The following ZDHHC17 variants were observed in gnomAD, a reference collection of about 807,000 sequenced individuals.
ZDHHC17 encodes zDHHC palmitoyltransferase 17.
A neutral mutation model predicts 90.3 loss-of-function variants in ZDHHC17; 40 were observed. That is an observed-to-expected ratio of 0.44 (90% CI 0.34 to 0.58). The LOEUF (loss-of-function observed/expected upper bound fraction) is 0.58, where lower values mean the gene tolerates loss of function less well. Ranked by LOEUF, ZDHHC17 falls within the 20% of genes least tolerant of loss-of-function variation. The probability of loss-of-function intolerance (pLI) is 0.01; values close to 1 mark genes in which losing one functional copy is unlikely to be tolerated. For missense variants in ZDHHC17, 614 were observed against 780.8 expected (o/e 0.79, Z 2.55); for synonymous variants, 235 against 252.4 (o/e 0.93, Z 0.65).
chr12:76,807,760 G>T (rs913929634), intron 3 of ZDHHC17, among the ~76,000 whole-genome samples: 1 of 152,076 alleles, frequency 6.6e-6, no homozygotes, highest in African/African-American at 2.4e-5. Flanking sequence ...TGAATCTCAG[G>T]AACAGTTGAC....
chr12:76,838,981 G>A (rs1953401124), intron 10 of ZDHHC17, among the ~76,000 whole-genome samples: 1 of 152,168 alleles, frequency 6.6e-6, no homozygotes, highest in African/African-American at 2.4e-5. Flanking sequence ...GCAAGTTTGA[G>A]TTCTGCTGAG....
At chr12:76,809,362 G>T (rs768370382) in intron 4 of ZDHHC17, among the ~76,000 whole-genome samples, 11 of 151,478 alleles carry the variant, frequency 7.3e-5, no homozygotes, top group Non-Finnish European at 1.3e-4. Flanking sequence ...TTAAACTTTG[G>T]ATTTCTAAAC....
intron 15 of ZDHHC17, among the ~76,000 whole-genome samples, chr12:76,849,123 A>C (rs1335947845): frequency 1.4e-5 from 2 of 146,866 alleles, no homozygotes; most frequent in East Asian, 2.0e-4. Context: ...ATCTCTAAAA[A>C]AAAAAAAAAA....
chr12:76,848,457 T>C, intron 15 of ZDHHC17, 67 bp downstream of exon 15: 2 of 1,500,708 alleles, frequency 1.3e-6, no homozygotes, highest in Non-Finnish European at 1.8e-6. Context: ...TAAAAGATAA[T>C]AATATATTCT....
chr12:76,834,270 C>T (rs2137794288), intron 10 of ZDHHC17, among the ~76,000 whole-genome samples: 1 of 152,222 alleles, frequency 6.6e-6, no homozygotes, highest in South Asian at 2.1e-4. Flanking sequence ...AATTGACTGA[C>T]ATAGTATAGT....
chr12:76,773,276 A>AT (rs892295900), intron 1 of ZDHHC17, among the ~76,000 whole-genome samples: 5 of 151,796 alleles, frequency 3.3e-5, no homozygotes, highest in African/African-American at 9.7e-5. Context: ...CCAATCCCTG[A>AT]TTTTTTTTAC....
At chr12:76,799,748 C>G (rs1486762344) in intron 2 of ZDHHC17, among the ~76,000 whole-genome samples, 1 of 152,136 alleles carries the variant, frequency 6.6e-6, no homozygotes, top group Non-Finnish European at 1.5e-5. Flanking sequence ...GATTGTGTTT[C>G]TGTTTTCTTT....
At chr12:76,788,265 T>TTCA (rs1339001967) in intron 1 of ZDHHC17, among the ~76,000 whole-genome samples, 1 of 152,212 alleles carries the variant, frequency 6.6e-6, no homozygotes, top group African/African-American at 2.4e-5. Context: ...ATCCTTTTTA[T>TTCA]TCATATTCCA....
intron 10 of ZDHHC17, among the ~76,000 whole-genome samples, chr12:76,838,112 T>C (rs1805399749): frequency 6.6e-6 from 1 of 152,174 alleles, no homozygotes; most frequent in South Asian, 2.1e-4. Flanking sequence ...ATCACGCTTT[T>C]CATCTGGTTC....
chr12:76,841,956 T>G (rs1815938546), intron 10 of ZDHHC17, 26 bp from the exon 11 acceptor site: 2 of 1,435,364 alleles, frequency 1.4e-6, no homozygotes, highest in Non-Finnish European at 1.8e-6. Context: ...TATCATTGCT[T>G]CTTTAGATTC....
intron 14 of ZDHHC17, among the ~76,000 whole-genome samples, chr12:76,847,138 T>C (rs928089428): frequency 1.3e-5 from 2 of 152,236 alleles, no homozygotes; most frequent in African/African-American, 2.4e-5. Context: ...TTAGTAAATA[T>C]CAGAAGTTAC....
intron 12 of ZDHHC17, chr12:76,843,977 C>T (rs1953464584): frequency 6.6e-6 from 1 of 152,084 alleles, no homozygotes; most frequent in Non-Finnish European, 1.5e-5. Context: ...CGACCAGATT[C>T]TTTTATATAT....
intron 5 of ZDHHC17, 37 bp from the exon 6 acceptor site, chr12:76,815,108 AT>A: frequency 6.7e-7 from 1 of 1,486,978 alleles, no homozygotes; most frequent in Non-Finnish European, 9.1e-7. Flanking sequence ...GGAACTTATA[AT>A]TTAACTGTCT....
chr12:76,788,959 A>T (rs1952728186), intron 1 of ZDHHC17, among the ~76,000 whole-genome samples: 1 of 152,032 alleles, frequency 6.6e-6, no homozygotes, highest in African/African-American at 2.4e-5. Flanking sequence ...GGCCTCCCAA[A>T]GTGCTGGGAT....
Position 76,764,151 on chromosome 12 carries a change from C to A in ZDHHC17, c.-86C>A. The A allele has an allele frequency of 1.9e-6, 2 of 1,069,776 alleles. No homozygotes were observed. The highest frequency in any genetic ancestry group is 2.7e-6 in the Non-Finnish European group (2 of 748,530). The allele number at this position is 1,069,776 out of a possible 1,614,324, so 66.3% of individuals were successfully genotyped here. On this transcript the variant is annotated 5_prime_UTR_variant, in exon 1 of 17. Transcript: ENST00000426126. ...AGGAGAAGAAGGAGGAGGAGGCCCG[C>A]GTCGCCTCCGGCGGGGCTCGCGCTC...
intron 7 of ZDHHC17, 128 bp from the exon 8 acceptor site, chr12:76,822,278 G>C: frequency 8.4e-7 from 1 of 1,192,598 alleles, no homozygotes; most frequent in South Asian, 1.6e-5. Context: ...GGTGTTTTTA[G>C]TAATTTACAC....
intron 1 of ZDHHC17, among the ~76,000 whole-genome samples, chr12:76,767,779 C>G (rs576010502): frequency 1.3e-5 from 2 of 152,076 alleles, no homozygotes; most frequent in Non-Finnish European, 2.9e-5. Flanking sequence ...ATTAGCCATG[C>G]GTGGTGGCAC....
chr12:76,838,602 A>C lies in ZDHHC17; in HGVS notation c.1142-3380A>C, dbSNP rs576372331. Reference sequence around the variant, plus strand: ...GTTTAGCTGTCTTAAGATCTTGCTGAAAGTTTTTCCTGAGGTTTTATTCTA... The same window carrying C: ...GTTTAGCTGTCTTAAGATCTTGCTGCAAGTTTTTCCTGAGGTTTTATTCTA... On this transcript the variant is annotated intron_variant, in intron 10 of 16. Transcript: ENST00000426126. Among the ~76,000 whole-genome samples the C allele has an allele frequency of 2.8e-4, 42 of 152,280 alleles. 1 individual carries two copies. The South Asian group carries it at 8.7e-3, about 32-fold the overall frequency.
chr12:76,824,243 A>G (rs1448645255), intron 8 of ZDHHC17, among the ~76,000 whole-genome samples: 2 of 152,110 alleles, frequency 1.3e-5, no homozygotes, highest in East Asian at 1.9e-4. Context: ...GTTTAGTGCA[A>G]TTTTAACATT....
Sources: gnomAD v4.1 joint callset for allele counts (sites outside exome capture counted in the v4.1 genomes callset) on GRCh38, gnomAD v4.1.1 for gene constraint, MANE v1.5 for transcripts, NCBI Gene and HGNC (gene_info 2026-07-23, HGNC 2026-07-21) for gene names.